The following BICRA variants were observed in gnomAD, a reference collection of about 807,000 sequenced individuals.
BICRA encodes the protein BRD4-interacting chromatin-remodeling complex-associated protein.
BICRA carries 31 observed loss-of-function variants against 96.9 expected under a neutral mutation model. The observed-to-expected ratio is 0.32, with a 90% CI of 0.24 to 0.43. The LOEUF is 0.43. Among genes scored for constraint, BICRA ranks in the 20% least tolerant of loss-of-function variants. The probability of loss-of-function intolerance (pLI) is 1.00; values close to 1 mark genes in which losing one functional copy is unlikely to be tolerated. For synonymous variants in BICRA, 1,350 were observed against 1,071.8 expected (o/e 1.26, Z -5.07); for missense variants, 2,283 against 2,190.3 (o/e 1.04, Z -0.84).
intron 1 of BICRA, among the ~76,000 whole-genome samples, chr19:47,637,103 GATTTTATTTT>G (rs1175360934): frequency 2.0e-5 from 3 of 151,892 alleles, no homozygotes; most frequent in Admixed American, 6.6e-5. Context: ...ATTTTACATT[GATTTTATTTT>G]ATTTTATTTT....
At chr19:47,662,860 T>A (rs1972723802) in intron 1 of BICRA, 1 of 152,178 alleles carries the variant, frequency 6.6e-6, no homozygotes, top group South Asian at 2.1e-4. Flanking sequence ...TTGTTTCAGA[T>A]CCCCTTTCCA....
rs1973485075 is a variant in BICRA at position 47,702,617 on chromosome 19, G to T, written c.*202G>T. On this transcript the variant is annotated 3_prime_UTR_variant, in exon 15 of 15. Coordinates refer to ENST00000594866, the MANE Select transcript of BICRA (RefSeq NM_001394372.1). ...GGGTGGGCGTGGATTTAGGGAGGGG[G>T]CTGTGATGTAAAACGTCTCCCCTGC... The T allele has an allele frequency of 1.7e-6, 1 of 576,048 alleles. No homozygotes were observed. The highest frequency in any genetic ancestry group is 4.1e-5 in the Admixed American group (1 of 24,194). The allele number at this position is 576,048 out of a possible 1,614,324, so 35.7% of individuals were successfully genotyped here.
At position 47,680,655 on chromosome 19, in the gene BICRA, G is replaced by A; in HGVS notation, c.1485G>A (p.Gly495=). Residue 495 remains glycine (G), a synonymous_variant, in exon 6 of 15, where the codon GGG becomes GGA. Transcript: ENST00000594866. Reference sequence around the variant, plus strand: ...CAGCCCTGCCGGCCAACGTGGGCGGGCAGATCCTGGCGGCCGCTGCCCCCC... The same window carrying A: ...CAGCCCTGCCGGCCAACGTGGGCGGACAGATCCTGGCGGCCGCTGCCCCCC... ...QLSALPANVG[G]QILAAAAPHT... The A allele has an allele frequency of 6.2e-7, 1 of 1,607,588 alleles. No individual in the cohort carries two copies. The highest frequency in any genetic ancestry group is 1.1e-5 in the South Asian group (1 of 90,560).
chr19:47,616,594 G>T (rs1971987811), intron 1 of BICRA, among the ~76,000 whole-genome samples: 1 of 151,092 alleles, frequency 6.6e-6, no homozygotes. Context: ...AGCTGAGATC[G>T]CACGATTGCA....
At chr19:47,670,404 A>G (rs1972846687) in intron 1 of BICRA, 39 bp from the exon 2 acceptor site, 1 of 151,858 alleles carries the variant, frequency 6.6e-6, no homozygotes, top group South Asian at 2.1e-4. Context: ...CTTTTCGCTG[A>G]CTTTCTCACT....
chr19:47,685,784 T>TGCGCGCGCGCGC (rs1377559075), intron 7 of BICRA, among the ~76,000 whole-genome samples: 12 of 115,434 alleles, frequency 1.0e-4, no homozygotes, highest in East Asian at 1.0e-3. Context: ...TGTGTGTGTG[T>TGCGCGCGCGCGC]GTGCGCGCGC....
Position 47,701,937 on chromosome 19 carries a change from A to G in BICRA, c.4205A>G (p.Glu1402Gly). The G allele has an allele frequency of 7.0e-7, 1 of 1,435,806 alleles. No individual in the cohort carries two copies. Among genetic ancestry groups the G allele is most frequent in the Non-Finnish European group, 9.1e-7 (1 of 1,104,858 alleles). The allele number at this position is 1,435,806 out of a possible 1,614,324, so 88.9% of individuals were successfully genotyped here. A position where few individuals can be genotyped will look rare whatever the true frequency, so the allele number is the denominator to read the frequency against. ...AACGTGGGGGGCCCTGGCGCGCCGG[A>G]GGGGACGCCCGCAGGCAGGGCACGG... ...RENVGGPGAP[E>G]GTPAGRARGG... The change falls in exon 15 of 15, where the codon GAG (glutamate) becomes GGG (glycine). Residue 1402 changes from glutamate to glycine, a missense_variant. Physicochemically the swap from Glu to Gly is moderately conservative, Grantham distance 98. Transcript: ENST00000594866. This position sits in a 1 kb window ranked among gnomAD's most constrained non-coding sequence, Gnocchi z 5.4.
chr19:47,698,586 T>TGTGGGGTCACCCCATTCCCC lies in BICRA; in HGVS notation c.3249-48_3249-47insGTGGGGTCACCCCATTCCCC. On this transcript the variant is annotated intron_variant, in intron 11 of 14. Coordinates refer to ENST00000594866, the MANE Select transcript of BICRA (RefSeq NM_001394372.1). This position sits in a 1 kb window ranked among gnomAD's most constrained non-coding sequence, Gnocchi z 4.8. ...AGGGACTTCCCCTGGCCCTCACCCG[T>TGTGGGGTCACCCCATTCCCC]CCCCCCCACCCTCCGCCGTGTGTGG... The TGTGGGGTCACCCCATTCCCC allele has an allele frequency of 1.4e-6, 1 of 716,714 alleles. No homozygotes were observed. Among genetic ancestry groups the TGTGGGGTCACCCCATTCCCC allele is most frequent in the Non-Finnish European group, 2.5e-6 (1 of 392,850 alleles). 44.4% of individuals were successfully genotyped at this position (716,714 alleles called of 1,614,324 possible).
At chr19:47,631,420 GT>G (rs964757890) in intron 1 of BICRA, among the ~76,000 whole-genome samples, 14 of 152,070 alleles carry the variant, frequency 9.2e-5, no homozygotes, top group African/African-American at 3.1e-4. Context: ...TAAAGACAGG[GT>G]TTCACCATAT....
At chr19:47,669,105 C>A (rs9749100) in intron 1 of BICRA, among the ~76,000 whole-genome samples, 58,263 of 151,104 alleles carry the variant, frequency 0.39, 11,893 homozygotes, top group South Asian at 0.54. Flanking sequence ...CTCACACACA[C>A]AAAAAAATAA....
At chr19:47,617,489 G>A (rs1269177792) in intron 1 of BICRA, among the ~76,000 whole-genome samples, 3 of 151,650 alleles carry the variant, frequency 2.0e-5, no homozygotes, top group Non-Finnish European at 4.4e-5. Flanking sequence ...TCAGTCTCCC[G>A]AGTAGCTGGA....
chr19:47,641,299 A>G (rs1170961366), intron 1 of BICRA, among the ~76,000 whole-genome samples: 3 of 151,914 alleles, frequency 2.0e-5, no homozygotes, highest in East Asian at 1.9e-4. Context: ...ATTGGATGCA[A>G]TTTGATAAAT....
chr19:47,696,390 C>T, intron 10 of BICRA, 61 bp from the exon 11 acceptor site: 1 of 1,469,212 alleles, frequency 6.8e-7, no homozygotes, highest in Non-Finnish European at 9.3e-7. Flanking sequence ...AGAGGGGAAG[C>T]TGGTCGGGGG....
intron 1 of BICRA, among the ~76,000 whole-genome samples, chr19:47,625,967 T>G (rs1972133433): frequency 6.6e-6 from 1 of 151,754 alleles, no homozygotes; most frequent in Non-Finnish European, 1.5e-5. Flanking sequence ...GAGCAAATGG[T>G]GGTTCTTAAT....
At chr19:47,633,760 G>A (rs1972257790) in intron 1 of BICRA, among the ~76,000 whole-genome samples, 1 of 152,236 alleles carries the variant, frequency 6.6e-6, no homozygotes, top group South Asian at 2.1e-4. Context: ...TATTAATCAT[G>A]CTAATGGTAC....
intron 7 of BICRA, among the ~76,000 whole-genome samples, chr19:47,683,553 C>A (rs1973097885): frequency 6.6e-6 from 1 of 150,926 alleles, no homozygotes; most frequent in Non-Finnish European, 1.5e-5. Context: ...ATTATGCTTA[C>A]GAGTCATAAC....
intron 1 of BICRA, among the ~76,000 whole-genome samples, chr19:47,639,791 C>T (rs778405339): frequency 2.6e-4 from 39 of 151,758 alleles, no homozygotes; most frequent in Non-Finnish European, 4.6e-4. Context: ...TACAGGTGTG[C>T]ACCACCACGC....
chr19:47,695,732 G>A (rs1469806499), intron 10 of BICRA, among the ~76,000 whole-genome samples: 3 of 152,116 alleles, frequency 2.0e-5, no homozygotes, highest in Admixed American at 6.6e-5. Context: ...CAGTGTAAGG[G>A]ACTATGACTG....
chr19:47,628,779 A>AT lies in BICRA; in HGVS notation c.-108+19620dup, dbSNP rs959344303. ...GCCACCACACCCAGCTAATTTTTGT[A>AT]TTTTTTTTTGTAGACACAGGGTTTT... On this transcript the variant is annotated intron_variant, in intron 1 of 14. Transcript: ENST00000594866. Among the ~76,000 whole-genome samples the AT allele has an allele frequency of 1.5e-3, 220 of 150,408 alleles. 2 individuals carry two copies. Among genetic ancestry groups the AT allele is most frequent in the Middle Eastern group, 3.5e-3 (1 of 286 alleles).
Sources: allele counts gnomAD v4.1 joint callset (sites outside exome capture counted in the v4.1 genomes callset), GRCh38; gene constraint gnomAD v4.1.1; non-coding constraint Gnocchi (gnomAD v3.1); transcripts MANE v1.5; gene names NCBI Gene and HGNC (gene_info 2026-07-23, HGNC 2026-07-21).